Variants in RGPD2 observed in about 807,000 individuals in gnomAD.
The protein encoded by RGPD2 is RANBP2 like and GRIP domain containing 2, also known as RANBP2-like and GRIP domain-containing protein 2.
A neutral mutation model predicts 36.0 loss-of-function variants in RGPD2; 2 were observed. The observed-to-expected ratio is 0.06, with a 90% CI of 0.02 to 0.17. The LOEUF is 0.17. RGPD2 is among the 10% of genes least tolerant of loss of function. The probability of loss-of-function intolerance (pLI) is 1.00; values close to 1 mark genes in which losing one functional copy is unlikely to be tolerated. For missense variants in RGPD2, 40 were observed against 464.3 expected (o/e 0.09, Z 8.40); for synonymous variants, 19 against 163.8 (o/e 0.12, Z 6.75).
chr2:87,921,962 A>T, the RGPD2 span, among the ~76,000 whole-genome samples: 145 of 149,774 alleles, frequency 9.7e-4, 1 homozygote, highest in African/African-American at 3.5e-3. Context: ...GGTCAAGGTG[A>T]TGTAAGTAGA....
chr2:87,824,162 A>G (rs1686500954), intron 1 of RGPD2, among the ~76,000 whole-genome samples: 1 of 148,538 alleles, frequency 6.7e-6, no homozygotes, highest in Admixed American at 6.7e-5. Flanking sequence ...AGGTGGGACT[A>G]CAGGCGCTGC....
At chr2:87,869,898 T>A in the RGPD2 span, among the ~76,000 whole-genome samples, 1 of 152,258 alleles carries the variant, frequency 6.6e-6, no homozygotes, top group African/African-American at 2.4e-5. Context: ...ACTTTCTTTG[T>A]TTTTCATTAC....
chr2:87,864,570 G>C, the RGPD2 span, among the ~76,000 whole-genome samples: 1 of 150,036 alleles, frequency 6.7e-6, no homozygotes, highest in African/African-American at 2.5e-5. Flanking sequence ...GCTAGACATA[G>C]ATAGATGATA....
chr2:87,878,223 C>A, the RGPD2 span, among the ~76,000 whole-genome samples: 1 of 151,984 alleles, frequency 6.6e-6, no homozygotes, highest in African/African-American at 2.4e-5. Context: ...TTTTTCATTG[C>A]TTTTTATTCT....
At chr2:87,781,329 TACC>T (rs1279536727) in intron 20 of RGPD2, 1 of 115,110 alleles carries the variant, frequency 8.7e-6, no homozygotes, top group Non-Finnish European at 1.8e-5. Context: ...CCTCAATTTA[TACC>T]ACCAATCTGA....
chr2:87,988,123 G>A, the RGPD2 span, among the ~76,000 whole-genome samples: 1 of 151,260 alleles, frequency 6.6e-6, no homozygotes, highest in East Asian at 2.0e-4. Flanking sequence ...TGGAAACCAA[G>A]ATATGTCATG....
At chr2:87,780,698 ATC>A (rs1685362262) in intron 20 of RGPD2, among the ~76,000 whole-genome samples, 1 of 88,154 alleles carries the variant, frequency 1.1e-5, no homozygotes, top group Non-Finnish European at 2.2e-5. Context: ...TCTAAAAATG[ATC>A]TGTGCAACAT....
At chr2:87,870,544 A>G in the RGPD2 span, among the ~76,000 whole-genome samples, 4 of 152,166 alleles carry the variant, frequency 2.6e-5, no homozygotes, top group Middle Eastern at 3.2e-3. Context: ...CTTTGCTTCT[A>G]TCTTTTTCCA....
the RGPD2 span, among the ~76,000 whole-genome samples, chr2:87,886,889 G>A: frequency 1.3e-5 from 2 of 151,852 alleles, no homozygotes; most frequent in Non-Finnish European, 2.9e-5. Flanking sequence ...CTACAACACA[G>A]AGAGGTTAAG....
chr2:87,834,425 A>C, the RGPD2 span, among the ~76,000 whole-genome samples: 1 of 152,106 alleles, frequency 6.6e-6, no homozygotes, highest in Non-Finnish European at 1.5e-5. Context: ...TTATATGAAG[A>C]TTACATGATC....
At chr2:87,912,127 C>T in the RGPD2 span, among the ~76,000 whole-genome samples, 3 of 150,226 alleles carry the variant, frequency 2.0e-5, no homozygotes, top group Non-Finnish European at 4.4e-5. Context: ...ATTGTATTTC[C>T]CTTTTATTAT....
intron 22 of RGPD2, among the ~76,000 whole-genome samples, chr2:87,763,361 G>A (rs1432477252): frequency 6.7e-6 from 1 of 149,306 alleles, no homozygotes; most frequent in East Asian, 2.0e-4. Context: ...GTTTCACCGT[G>A]TTAGCCAGGA....
chr2:87,957,237 G>GGA, the RGPD2 span, among the ~76,000 whole-genome samples: 238 of 7,502 alleles, frequency 0.032, 10 homozygotes, highest in Non-Finnish European at 0.052. Flanking sequence ...CAAGGTCACT[G>GGA]GGGGGGGGCT....
At chr2:87,964,100 C>T in the RGPD2 span, among the ~76,000 whole-genome samples, 29 of 152,098 alleles carry the variant, frequency 1.9e-4, no homozygotes, top group African/African-American at 7.0e-4. Context: ...CCAAAGTGCT[C>T]GGATACAGGT....
At chr2:87,888,401 G>A in the RGPD2 span, among the ~76,000 whole-genome samples, 1 of 144,160 alleles carries the variant, frequency 6.9e-6, no homozygotes, top group African/African-American at 2.6e-5. Context: ...AATGGATTTA[G>A]GGCCAAGATT....
chr2:87,905,779 TG>T, the RGPD2 span, among the ~76,000 whole-genome samples: 2 of 118,252 alleles, frequency 1.7e-5, no homozygotes, highest in Non-Finnish European at 3.6e-5. Context: ...TATAAAAAAG[TG>T]TTTATTTTTC....
the RGPD2 span, among the ~76,000 whole-genome samples, chr2:87,875,289 A>T: frequency 2.0e-5 from 3 of 152,164 alleles, no homozygotes; most frequent in African/African-American, 7.2e-5. Context: ...GCCACTTTGC[A>T]AGGGAAATGC....
At chr2:87,972,793 G>T in the RGPD2 span, 1 of 1,611,742 alleles carries the variant, frequency 6.2e-7, no homozygotes, top group Non-Finnish European at 8.5e-7. Flanking sequence ...GCTGCAGGGA[G>T]ACTGGCTGCT....
At chr2:87,940,938 T>A in the RGPD2 span, among the ~76,000 whole-genome samples, 2 of 152,008 alleles carry the variant, frequency 1.3e-5, no homozygotes, top group East Asian at 3.9e-4. Flanking sequence ...AATACTATTT[T>A]GAAGAACAAA....
Sources: allele counts gnomAD v4.1 joint callset (sites outside exome capture counted in the v4.1 genomes callset), GRCh38; gene constraint gnomAD v4.1.1; transcripts MANE v1.5; gene names NCBI Gene and HGNC (gene_info 2026-07-23, HGNC 2026-07-21).